Variants in PDE8B observed in about 807,000 individuals in gnomAD.
The protein encoded by PDE8B is high affinity cAMP-specific and IBMX-insensitive 3',5'-cyclic phosphodiesterase 8B.
PDE8B carries 26 observed loss-of-function variants against 101.3 expected under a neutral mutation model. That is an observed-to-expected ratio of 0.26 (90% CI 0.19 to 0.36). PDE8B has a LOEUF of 0.36. Among genes scored for constraint, PDE8B ranks in the 10% least tolerant of loss-of-function variants. The probability of loss-of-function intolerance (pLI) is 1.00; values close to 1 mark genes in which losing one functional copy is unlikely to be tolerated. For synonymous variants in PDE8B, 424 were observed against 429.3 expected (o/e 0.99, Z 0.15); for missense variants, 810 against 1,163.1 (o/e 0.70, Z 4.42).
intron 2 of PDE8B, among the ~76,000 whole-genome samples, chr5:77,316,481 C>T (rs1339303872): frequency 6.6e-6 from 1 of 152,158 alleles, no homozygotes; most frequent in Admixed American, 6.5e-5. Flanking sequence ...ATTTGCCTAC[C>T]TTGGCCTCCC....
At chr5:77,348,421 A>AT (rs1780520461) in intron 7 of PDE8B, among the ~76,000 whole-genome samples, 1 of 152,134 alleles carries the variant, frequency 6.6e-6, no homozygotes, top group African/African-American at 2.4e-5. Context: ...CCCAGGCAGA[A>AT]TTTTGAAAAG....
chr5:77,346,510 CTT>C (rs1780183092), intron 7 of PDE8B, among the ~76,000 whole-genome samples: 1 of 152,226 alleles, frequency 6.6e-6, no homozygotes, highest in African/African-American at 2.4e-5. Context: ...GGAACAGAGT[CTT>C]TCATTCTCCA....
chr5:77,360,065 T>C (rs1782816430), intron 10 of PDE8B, among the ~76,000 whole-genome samples: 1 of 148,644 alleles, frequency 6.7e-6, no homozygotes, highest in African/African-American at 2.5e-5. Flanking sequence ...CACTCCAGCC[T>C]GGGTGACACA....
Position 77,381,601 on chromosome 5 carries a change from T to A in PDE8B, c.1168-18647T>A, listed in dbSNP as rs1787464925. Among the ~76,000 whole-genome samples, 3 of 152,012 alleles carry A rather than the reference T, an allele frequency of 2.0e-5. No homozygotes were observed. In the South Asian group the frequency reaches 6.2e-4, roughly 32 times the overall value. On this transcript the variant is annotated intron_variant, in intron 10 of 21. Coordinates refer to ENST00000264917, the MANE Select transcript of PDE8B (RefSeq NM_003719.5). ...TTAGTTGCTAAAAAGTCTCATGATTTTTTATTTTTTGTTTTTGTTTTTTTT... is the reference window on the plus strand; with the variant it reads ...TTAGTTGCTAAAAAGTCTCATGATTATTTATTTTTTGTTTTTGTTTTTTTT...
At chr5:77,197,265 C>A in the PDE8B span, among the ~76,000 whole-genome samples, 1 of 148,834 alleles carries the variant, frequency 6.7e-6, no homozygotes, top group Non-Finnish European at 1.5e-5. Context: ...GCATCCACCA[C>A]CATGCCTGGC....
chr5:77,378,022 ACACACACACACACACACACACACAC>A (rs1786557071), intron 10 of PDE8B, among the ~76,000 whole-genome samples: 1 of 125,608 alleles, frequency 8.0e-6, no homozygotes, highest in Non-Finnish European at 1.7e-5. Context: ...ACACACACAC[ACACACACACACACACACACACACAC>A]ACCCCCTGTT....
chr5:77,285,297 A>G (rs1408604711), intron 1 of PDE8B, among the ~76,000 whole-genome samples: 4 of 152,150 alleles, frequency 2.6e-5, no homozygotes, highest in East Asian at 1.9e-4. Flanking sequence ...TCACTCCTCA[A>G]CAGTCAGGTT....
the PDE8B span, among the ~76,000 whole-genome samples, chr5:77,174,553 T>A: frequency 6.6e-6 from 1 of 152,192 alleles, no homozygotes; most frequent in Admixed American, 6.5e-5. Context: ...CCATGACTAT[T>A]CCTTGTGTCA....
chr5:77,165,203 G>T, the PDE8B span, among the ~76,000 whole-genome samples: 1 of 152,192 alleles, frequency 6.6e-6, no homozygotes, highest in Non-Finnish European at 1.5e-5. Context: ...ACTGATAAGA[G>T]AAAGCGTAAT....
chr5:77,425,689 G>A, intron 20 of PDE8B, 78 bp from the exon 21 acceptor site: 2 of 1,440,382 alleles, frequency 1.4e-6, no homozygotes, highest in South Asian at 1.1e-5. Flanking sequence ...TTTTCACAGG[G>A]TTGTTCTGAG....
intron 10 of PDE8B, among the ~76,000 whole-genome samples, chr5:77,362,224 G>T (rs1262422323): frequency 6.6e-6 from 1 of 152,180 alleles, no homozygotes; most frequent in African/African-American, 2.4e-5. Context: ...ATACTGACTT[G>T]CGAAAACTGA....
At position 77,267,230 on chromosome 5, in the gene PDE8B, G is replaced by A. The variant is rs1486036317; in HGVS notation, c.340-44764G>A. Among the ~76,000 whole-genome samples, 4 of 152,198 alleles carry A rather than the reference G, an allele frequency of 2.6e-5. No homozygotes were observed. The East Asian group carries it at 5.8e-4, about 22-fold the overall frequency. ...CAAGGTGGGTGGATCAAGAGGTCAG[G>A]AGATCAAGACCATCCTGGCTAAGGC... On this transcript the variant is annotated intron_variant, in intron 1 of 21. Coordinates refer to ENST00000264917, the MANE Select transcript of PDE8B (RefSeq NM_003719.5).
At chr5:77,376,569 T>C (rs1350696417) in intron 10 of PDE8B, among the ~76,000 whole-genome samples, 1 of 152,194 alleles carries the variant, frequency 6.6e-6, no homozygotes, top group African/African-American at 2.4e-5. Context: ...TAAATATTTC[T>C]TGAGTTGAAT....
the PDE8B span, among the ~76,000 whole-genome samples, chr5:77,198,964 A>G: frequency 6.6e-6 from 1 of 152,048 alleles, no homozygotes; most frequent in African/African-American, 2.4e-5. Flanking sequence ...AGTGATCCCT[A>G]TGTCTTATTC....
At chr5:77,226,737 A>C (rs1183526912) in intron 1 of PDE8B, among the ~76,000 whole-genome samples, 1 of 152,224 alleles carries the variant, frequency 6.6e-6, no homozygotes, top group Non-Finnish European at 1.5e-5. Flanking sequence ...CTGAAGCTCA[A>C]GCTTAAGATC....
At chr5:77,407,256 A>G in intron 12 of PDE8B, 125 bp from the exon 13 acceptor site, 1 of 773,932 alleles carries the variant, frequency 1.3e-6, no homozygotes, top group South Asian at 1.4e-5. Flanking sequence ...GGGTGAATTC[A>G]TGGCTTTTTA....
the PDE8B span, among the ~76,000 whole-genome samples, chr5:77,186,998 C>T: frequency 6.6e-6 from 1 of 152,216 alleles, no homozygotes; most frequent in Non-Finnish European, 1.5e-5. Context: ...GCTGGTGGGA[C>T]AGCTTCTTAT....
chr5:77,372,896 C>G (rs888902815), intron 10 of PDE8B, among the ~76,000 whole-genome samples: 2 of 152,204 alleles, frequency 1.3e-5, no homozygotes, highest in African/African-American at 4.8e-5. Context: ...GGTGTAGCGG[C>G]GTGCCGCTAT....
At chr5:77,347,924 T>C (rs949674791) in intron 7 of PDE8B, among the ~76,000 whole-genome samples, 4 of 152,168 alleles carry the variant, frequency 2.6e-5, no homozygotes, top group Admixed American at 2.0e-4. Context: ...GGGGCTACGC[T>C]GTAAGTGATG....
Sources: allele counts gnomAD v4.1 joint callset (sites outside exome capture counted in the v4.1 genomes callset), GRCh38; gene constraint gnomAD v4.1.1; transcripts MANE v1.5; gene names NCBI Gene and HGNC (gene_info 2026-07-23, HGNC 2026-07-21).